The following WDR88 variants were observed in gnomAD, a reference collection of about 807,000 sequenced individuals.
The protein encoded by WDR88 is WD repeat domain 88.
In WDR88, 40 loss-of-function variants were observed where a neutral mutation model predicts 46.8. The ratio of observed to expected loss-of-function variants is 0.86; its 90% confidence interval spans 0.66 to 1.11. The LOEUF is 1.11. WDR88 is among the 50% of genes most tolerant of loss of function. WDR88 has a pLI of 0.00. For synonymous variants in WDR88, 235 were observed against 240.7 expected, an observed-to-expected ratio of 0.98 and a Z score of 0.22; for missense variants, 562 against 602.4, an observed-to-expected ratio of 0.93 and a Z score of 0.70.
chr19:33,148,966 C>T (rs1599892859), intron 5 of WDR88, 56 bp downstream of exon 5: 1 of 1,608,722 alleles, frequency 6.2e-7, no homozygotes, highest in South Asian at 1.1e-5. Flanking sequence ...AGCCACTTGT[C>T]ACTGACTGAC....
intron 1 of WDR88, among the ~76,000 whole-genome samples, chr19:33,132,853 GAAT>G (rs1973159165): frequency 6.6e-6 from 1 of 152,118 alleles, no homozygotes; most frequent in Admixed American, 6.6e-5. Context: ...GGGAAACTCA[GAAT>G]AATAATAACA....
intron 2 of WDR88, 106 bp downstream of exon 2, chr19:33,137,893 CT>C: frequency 5.4e-6 from 5 of 934,220 alleles, no homozygotes; most frequent in Non-Finnish European, 8.0e-6. Flanking sequence ...CTTGTGGGTC[CT>C]GGTTTGCAGG....
intron 9 of WDR88, among the ~76,000 whole-genome samples, chr19:33,169,745 A>G (rs1974007197): frequency 6.6e-6 from 1 of 151,608 alleles, no homozygotes; most frequent in South Asian, 2.1e-4. Context: ...ATTTCCCAGC[A>G]CTCCAAAAGT....
At chr19:33,144,956 T>G (rs888816488) in intron 3 of WDR88, 24 bp downstream of exon 3, 1 of 1,605,592 alleles carries the variant, frequency 6.2e-7, no homozygotes, top group Non-Finnish European at 8.5e-7. Context: ...CGTCTTACAC[T>G]GGGAAGAGGG....
intron 6 of WDR88, 124 bp from the exon 7 acceptor site, chr19:33,156,231 C>T (rs201161063): frequency 2.5e-5 from 23 of 930,292 alleles, no homozygotes; most frequent in Admixed American, 7.6e-5. Flanking sequence ...CCTCTTGGGG[C>T]GAAGTGCTAG....
chr19:33,158,743 A>G (rs754812652), intron 7 of WDR88, among the ~76,000 whole-genome samples: 7 of 152,144 alleles, frequency 4.6e-5, no homozygotes, highest in Non-Finnish European at 7.3e-5. Flanking sequence ...TCTGTTGCCC[A>G]GGCTGGAGCG....
intron 6 of WDR88, among the ~76,000 whole-genome samples, chr19:33,154,134 T>C (rs1364378087): frequency 6.6e-6 from 1 of 152,186 alleles, no homozygotes; most frequent in African/African-American, 2.4e-5. Flanking sequence ...GTGGGATTTA[T>C]GTGAAATGAG....
At position 33,156,467 on chromosome 19, in the gene WDR88, C is replaced by A. The variant is rs746514517; in HGVS notation, c.922C>A (p.Arg308=). The A allele has an allele frequency of 4.3e-6, 7 of 1,614,006 alleles. No individual in the cohort carries two copies. The South Asian group carries it at 6.6e-5, about 15-fold the overall frequency. ...KIWNVHTGEF[R]NCGACVTLMQ... ...ATGGAACGTCCACACAGGGGAGTTT[C>A]GAAACTGTGGAGCCTGTGTGACTCT... The change falls in exon 7 of 11, where the codon CGA becomes AGA. Residue 308 remains arginine, a synonymous_variant. Transcript: ENST00000355868.
Position 33,175,330 on chromosome 19 carries a change from A to G in WDR88, c.1243-66A>G, listed in dbSNP as rs2145432741. The G allele has an allele frequency of 9.2e-6, 14 of 1,516,884 alleles. No individual in the cohort carries two copies. The South Asian group carries it at 1.3e-4, about 14-fold the overall frequency. The allele number at this position is 1,516,884 out of a possible 1,614,324, so 94.0% of individuals were successfully genotyped here. A position where few individuals can be genotyped will look rare whatever the true frequency, so the allele number is the denominator to read the frequency against. On this transcript the variant is annotated intron_variant, in intron 10 of 10. Transcript: ENST00000355868. ...AGCTCAAGGTAGCTGGGAGAATTCT[A>G]ATGGCATGCCTGGATCACCTCTGAC...
At chr19:33,149,060 G>A in intron 5 of WDR88, 150 bp downstream of exon 5, 1 of 1,299,704 alleles carries the variant, frequency 7.7e-7, no homozygotes, top group South Asian at 1.5e-5. Flanking sequence ...TAGGTGCGGT[G>A]GCTGGGATTG....
chr19:33,175,639 G>A lies in WDR88; in HGVS notation c.*67G>A, dbSNP rs1430365237. 10 of 1,586,980 alleles carry A rather than the reference G, an allele frequency of 6.3e-6. No individual in the cohort carries two copies. The highest frequency in any genetic ancestry group is 1.1e-5 in the South Asian group (1 of 87,692). On this transcript the variant is annotated 3_prime_UTR_variant, in exon 11 of 11. Transcript: ENST00000355868. ...AGCATGTAGGTTTCGGGGCTTTGCAGGGGCTTTCTCTTGGGCCCCTCCCAG... is the reference window on the plus strand; with the variant it reads ...AGCATGTAGGTTTCGGGGCTTTGCAAGGGCTTTCTCTTGGGCCCCTCCCAG...
intron 10 of WDR88, among the ~76,000 whole-genome samples, chr19:33,173,632 C>T (rs1249880309): frequency 5.3e-5 from 8 of 152,218 alleles, no homozygotes; most frequent in Admixed American, 5.2e-4. Context: ...CACTGCAAGG[C>T]AGTTGTGTGA....
intron 8 of WDR88, among the ~76,000 whole-genome samples, chr19:33,162,068 C>T (rs1259493099): frequency 3.9e-5 from 6 of 152,194 alleles, no homozygotes; most frequent in African/African-American, 1.2e-4. Flanking sequence ...TTTTCTCTAA[C>T]CACACTATGG....
At chr19:33,151,659 C>A (rs1469147084) in intron 6 of WDR88, among the ~76,000 whole-genome samples, 3 of 152,232 alleles carry the variant, frequency 2.0e-5, no homozygotes, top group Non-Finnish European at 4.4e-5. Flanking sequence ...GTGGGAGGAT[C>A]ACTTCAGGCC....
chr19:33,135,052 T>TGGG (rs968213590), intron 1 of WDR88, among the ~76,000 whole-genome samples: 283 of 20,040 alleles, frequency 0.014, 6 homozygotes, highest in African/African-American at 0.03. Flanking sequence ...CTGGGGTGGG[T>TGGG]GGGTGGGGGG....
intron 7 of WDR88, 81 bp from the exon 8 acceptor site, chr19:33,160,333 C>A: frequency 7.0e-7 from 1 of 1,438,212 alleles, no homozygotes; most frequent in Non-Finnish European, 9.8e-7. Context: ...TGGTGCCTCG[C>A]CAAGGCATCT....
chr19:33,149,166 T>C (rs1393175010), intron 5 of WDR88, among the ~76,000 whole-genome samples: 1 of 151,782 alleles, frequency 6.6e-6, no homozygotes, highest in Non-Finnish European at 1.5e-5. Context: ...CCAAAAACAA[T>C]ACAAAAATTA....
At chr19:33,174,797 C>G (rs376356305) in intron 10 of WDR88, 1 of 985,310 alleles carries the variant, frequency 1.0e-6, no homozygotes, top group South Asian at 4.7e-5. Flanking sequence ...CACGCATGTC[C>G]TCAGGACCCC....
At chr19:33,157,498 A>AATATATATATATATGTATATATATGTGT (rs1365930314) in intron 7 of WDR88, among the ~76,000 whole-genome samples, 41 of 133,688 alleles carry the variant, frequency 3.1e-4, no homozygotes, top group Admixed American at 4.8e-4. Context: ...ACTCTGTCTC[A>AATATATATATATATGTATATATATGTGT]ATATATATAT....
Sources: allele counts gnomAD v4.1 joint callset (sites outside exome capture counted in the v4.1 genomes callset), GRCh38; gene constraint gnomAD v4.1.1; transcripts MANE v1.5; gene names NCBI Gene and HGNC (gene_info 2026-07-23, HGNC 2026-07-21).